Variants in CEP128 observed in about 807,000 individuals in gnomAD.
The protein encoded by CEP128 is centrosomal protein 128kDa.
In CEP128, 132 loss-of-function variants were observed where a neutral mutation model predicts 156.7. The ratio of observed to expected loss-of-function variants is 0.84; its 90% CI spans 0.73 to 0.97. The LOEUF (loss-of-function observed/expected upper bound fraction) is 0.97, where lower values mean the gene tolerates loss of function less well. Among genes scored for constraint, CEP128 ranks in the 50% least tolerant of loss-of-function variants. The pLI is 0.00. For missense variants in CEP128, 1,252 were observed against 1,281.9 expected (o/e 0.98, Z 0.36); for synonymous variants, 469 against 448.9 (o/e 1.04, Z -0.57).
intron 2 of CEP128, among the ~76,000 whole-genome samples, chr14:80,938,245 ATT>A (rs35236692): frequency 6.4e-4 from 75 of 116,956 alleles, no homozygotes; most frequent in African/African-American, 1.8e-3. Flanking sequence ...CAGTGTTAGT[ATT>A]TTTTTTTTTT....
chr14:80,636,954 C>T (rs1894207673), intron 19 of CEP128, among the ~76,000 whole-genome samples: 1 of 151,966 alleles, frequency 6.6e-6, no homozygotes, highest in South Asian at 2.1e-4. Context: ...GGCGTGGTGG[C>T]ACATGCCTGT....
At chr14:80,518,602 T>C (rs1390722963) in intron 23 of CEP128, among the ~76,000 whole-genome samples, 1 of 152,212 alleles carries the variant, frequency 6.6e-6, no homozygotes, top group Non-Finnish European at 1.5e-5. Context: ...TTTGTCTATT[T>C]TTCCTTACAA....
intron 19 of CEP128, among the ~76,000 whole-genome samples, chr14:80,678,800 C>G (rs936411685): frequency 6.6e-6 from 1 of 152,098 alleles, no homozygotes; most frequent in Non-Finnish European, 1.5e-5. Flanking sequence ...GACTCAGGAC[C>G]AAGAGCACAA....
intron 9 of CEP128, among the ~76,000 whole-genome samples, chr14:80,855,834 G>A (rs955338173): frequency 6.6e-6 from 1 of 152,138 alleles, no homozygotes; most frequent in Admixed American, 6.5e-5. Context: ...CCTCAAGGGA[G>A]ACGCAAAAGC....
Position 80,787,543 on chromosome 14 carries a change from T to C in CEP128, c.1561-1998A>G, listed in dbSNP as rs536474108. On this transcript the variant is annotated intron_variant, in intron 14 of 24. Coordinates refer to ENST00000555265, the MANE Select transcript of CEP128 (RefSeq NM_152446.5). Reference sequence around the variant, plus strand: ...ATGTGATCACAGGAGTAATGTCTTATCATATTCATTGGTTCCAGAAATTAG... The same window carrying C: ...ATGTGATCACAGGAGTAATGTCTTACCATATTCATTGGTTCCAGAAATTAG... Among the ~76,000 whole-genome samples the C allele has an allele frequency of 1.6e-3, 240 of 152,294 alleles. 1 individual carries two copies. The highest frequency in any genetic ancestry group is 5.6e-3 in the African/African-American group (234 of 41,572).
intron 19 of CEP128, among the ~76,000 whole-genome samples, chr14:80,660,786 T>C (rs1461255217): frequency 2.6e-5 from 4 of 151,882 alleles, no homozygotes; most frequent in African/African-American, 7.2e-5. Context: ...TAGCAAGTGC[T>C]ACACTGATTT....
chr14:80,939,811 C>T (rs1474169719), intron 1 of CEP128, among the ~76,000 whole-genome samples: 2 of 152,080 alleles, frequency 1.3e-5, no homozygotes, highest in Admixed American at 1.3e-4. Context: ...GAACCGCAGC[C>T]CAAGTCTAGC....
chr14:80,526,641 G>T, intron 23 of CEP128: 1 of 343,700 alleles, frequency 2.9e-6, no homozygotes, highest in Non-Finnish European at 5.3e-6. Context: ...AACATATCAA[G>T]CAGTGATGGC....
intron 12 of CEP128, among the ~76,000 whole-genome samples, chr14:80,834,898 G>C (rs546223751): frequency 6.6e-6 from 1 of 152,102 alleles, no homozygotes; most frequent in African/African-American, 2.4e-5. Context: ...TAGTTTATTT[G>C]TCCTCACCAA....
intron 13 of CEP128, among the ~76,000 whole-genome samples, chr14:80,808,390 G>A (rs1181377397): frequency 1.3e-5 from 2 of 152,140 alleles, no homozygotes; most frequent in Admixed American, 1.3e-4. Context: ...CCTGAGAGCT[G>A]CATGTCTGGG....
At chr14:80,653,141 G>C (rs531374655) in intron 19 of CEP128, among the ~76,000 whole-genome samples, 8 of 152,210 alleles carry the variant, frequency 5.3e-5, no homozygotes, top group Admixed American at 5.2e-4. Flanking sequence ...TGAACAATGA[G>C]AACACATGGA....
intron 19 of CEP128, among the ~76,000 whole-genome samples, chr14:80,618,283 TATAAC>T (rs1300280348): frequency 6.6e-6 from 1 of 152,194 alleles, no homozygotes; most frequent in African/African-American, 2.4e-5. Flanking sequence ...AACAATCTAT[TATAAC>T]ATAAAGAAAA....
chr14:80,543,858 A>C (rs1186659495), intron 21 of CEP128, among the ~76,000 whole-genome samples: 1 of 152,192 alleles, frequency 6.6e-6, no homozygotes, highest in Non-Finnish European at 1.5e-5. Context: ...TTACATATTC[A>C]ACTAAAATGA....
At chr14:80,906,970 G>A (rs1235621734) in intron 4 of CEP128, among the ~76,000 whole-genome samples, 3 of 152,288 alleles carry the variant, frequency 2.0e-5, no homozygotes, top group Middle Eastern at 6.8e-3. Context: ...AACTCTTTAA[G>A]TAGAATGTCA....
Position 80,617,276 on chromosome 14 carries a change from G to C in CEP128, c.2807-36853C>G, listed in dbSNP as rs370596391. On this transcript the variant is annotated intron_variant, in intron 19 of 24. Transcript: ENST00000555265. ...GACGGAGTGTTGCTCTGTCACCCAG[G>C]CTGGAGTGCAGTGGTGCGATCTTGG... Among the ~76,000 whole-genome samples the C allele has an allele frequency of 2.8e-3, 326 of 115,608 alleles. 1 individual carries two copies. The highest frequency in any genetic ancestry group is 9.7e-3 in the African/African-American group (298 of 30,858). The allele number at this position is 115,608 out of a possible 152,430, so 75.8% of individuals were successfully genotyped here.
At position 80,880,898 on chromosome 14, in the gene CEP128, TAATAATAATA is replaced by T. The variant is rs1566689595; in HGVS notation, c.645+14810_645+14819del. On this transcript the variant is annotated intron_variant, in intron 8 of 24. Transcript: ENST00000555265. ...ATAATAATAATAATAATAATAATAA[TAATAATAATA>T]ATTTCAGTAAAGGATACAAAATCAA... 4.3e-5 allele frequency among the ~76,000 whole-genome samples: 6 copies of T among 141,136 alleles called. No homozygotes were observed. In the East Asian group the frequency reaches 1.2e-3, roughly 29 times the overall value. The allele number at this position is 141,136 out of a possible 152,430, so 92.6% of individuals were successfully genotyped here. A position where few individuals can be genotyped will look rare whatever the true frequency, so the allele number is the denominator to read the frequency against.
At chr14:80,582,680 A>C (rs1048031534) in intron 19 of CEP128, among the ~76,000 whole-genome samples, 3 of 152,060 alleles carry the variant, frequency 2.0e-5, no homozygotes, top group Non-Finnish European at 4.4e-5. Flanking sequence ...AGGGTTAGAG[A>C]AGGAAGGATG....
intron 8 of CEP128, among the ~76,000 whole-genome samples, chr14:80,879,842 T>G (rs552297903): frequency 2.1e-4 from 29 of 140,472 alleles, no homozygotes; most frequent in Admixed American, 7.1e-4. Context: ...TGTTCCCAGA[T>G]TCAACTCAAA....
intron 19 of CEP128, among the ~76,000 whole-genome samples, chr14:80,652,759 A>G (rs1232163134): frequency 6.6e-6 from 1 of 152,174 alleles, no homozygotes; most frequent in Non-Finnish European, 1.5e-5. Flanking sequence ...AATTTATTCA[A>G]CCATTGTGGA....
Sources: gnomAD v4.1 joint callset for allele counts (sites outside exome capture counted in the v4.1 genomes callset) on GRCh38, gnomAD v4.1.1 for gene constraint, MANE v1.5 for transcripts, NCBI Gene and HGNC (gene_info 2026-07-23, HGNC 2026-07-21) for gene names.